FCRL2: variants seen among roughly 807,000 people sequenced by gnomAD.
FCRL2 encodes the protein Fc receptor like 2.
Under a neutral mutation model 59.8 loss-of-function variants are expected in FCRL2, and 48 were observed. The observed-to-expected ratio is 0.80, with a 90% CI of 0.64 to 1.02. FCRL2 has a LOEUF of 1.02. Among genes scored for constraint, FCRL2 ranks in the 50% least tolerant of loss-of-function variants. FCRL2 has a pLI of 0.00. For missense variants in FCRL2, 658 were observed against 597.3 expected (o/e 1.10, Z -1.06); for synonymous variants, 251 against 229.5 (o/e 1.09, Z -0.85).
intron 7 of FCRL2, among the ~76,000 whole-genome samples, chr1:157,759,437 A>G (rs1289143118): frequency 1.3e-5 from 2 of 152,230 alleles, no homozygotes; most frequent in African/African-American, 4.8e-5. Flanking sequence ...AAAAACAAAA[A>G]ATTGACAAAT....
rs1647709966 is a variant in FCRL2, at chr1:157,745,943, TTA to T, written c.*791_*792del. ...TTTTTGGTTTCCCAGTGCATATAAG[TTA>T]TGTTTACACTCAAGTCGATGCACAT... On this transcript the variant is annotated 3_prime_UTR_variant, in exon 12 of 12. Coordinates refer to ENST00000361516, the MANE Select transcript of FCRL2 (RefSeq NM_030764.4). 1 of 152,128 alleles carries T rather than the reference TTA, an allele frequency of 6.6e-6. No individual in the cohort carries two copies. The highest frequency in any genetic ancestry group is 1.5e-5 in the Non-Finnish European group (1 of 68,024). The allele number at this position is 152,128 out of a possible 1,614,324, so 9.4% of individuals were successfully genotyped here.
chr1:157,750,974 T>A (rs1648140884), intron 7 of FCRL2, among the ~76,000 whole-genome samples: 2 of 152,184 alleles, frequency 1.3e-5, no homozygotes. Flanking sequence ...ATAATGGAAC[T>A]GGTAATTCAT....
At chr1:157,757,274 A>ATAT (rs1648665526) in intron 7 of FCRL2, among the ~76,000 whole-genome samples, 1 of 152,204 alleles carries the variant, frequency 6.6e-6, no homozygotes, top group South Asian at 2.1e-4. Context: ...ATATTGAAGT[A>ATAT]CTAATGCCAA....
chr1:157,762,199 C>CT (rs1649149040), intron 7 of FCRL2, among the ~76,000 whole-genome samples: 1 of 152,176 alleles, frequency 6.6e-6, no homozygotes, highest in Non-Finnish European at 1.5e-5. Context: ...CCACTATCAC[C>CT]ACAACTGATA....
chr1:157,763,251 C>T (rs926948528), intron 7 of FCRL2, among the ~76,000 whole-genome samples: 4 of 152,128 alleles, frequency 2.6e-5, no homozygotes, highest in Non-Finnish European at 4.4e-5. Flanking sequence ...GATGGGGTGC[C>T]GTGGCTCATG....
intron 7 of FCRL2, among the ~76,000 whole-genome samples, chr1:157,765,168 T>G (rs1254627297): frequency 1.3e-5 from 2 of 152,160 alleles, no homozygotes; most frequent in African/African-American, 4.8e-5. Context: ...CATCAGAGAT[T>G]ATTACAAATG....
Position 157,777,128 on chromosome 1 carries a change from A to T in FCRL2, c.-55T>A. 6.2e-7 allele frequency: 1 copy of T among 1,613,522 alleles called. No individual in the cohort carries two copies. The highest frequency in any genetic ancestry group is 8.5e-7 in the Non-Finnish European group (1 of 1,179,828). Reference sequence around the variant, plus strand: ...ATGTACTCTTGGTCACCAACTGGAGACTCTGAGCAGGCGATGAAATGTGGT... The same window carrying T: ...ATGTACTCTTGGTCACCAACTGGAGTCTCTGAGCAGGCGATGAAATGTGGT... On this transcript the variant is annotated 5_prime_UTR_variant, in exon 1 of 12. Coordinates refer to ENST00000361516, the MANE Select transcript of FCRL2 (RefSeq NM_030764.4).
rs574996415 is a variant in FCRL2 at position 157,770,918 on chromosome 1, G to T, written c.53-252C>A. Among the ~76,000 whole-genome samples the T allele has an allele frequency of 2.2e-4, 34 of 152,326 alleles. No individual in the cohort carries two copies. In the South Asian group the frequency reaches 5.6e-3, roughly 25 times the overall value. On this transcript the variant is annotated intron_variant, in intron 2 of 11. Transcript: ENST00000361516. ...AGATTTATTTCTCACAATTCTGGAC[G>T]TTGAAAGTCTGAGGTCAGGGTGCCA...
intron 7 of FCRL2, among the ~76,000 whole-genome samples, chr1:157,750,563 T>C (rs751154317): frequency 1.3e-5 from 2 of 152,158 alleles, no homozygotes; most frequent in Non-Finnish European, 2.9e-5. Flanking sequence ...TCATGGAAAA[T>C]ACTGCTAGTA....
rs1445895908 is a variant in FCRL2 at position 157,748,901 on chromosome 1, T to G, written c.1367A>C (p.Glu456Ala). ...ATTGACATACACTGGCTGCAGCTCC[T>G]CCATGTCTGGGGTTGGGCTTGAATA... Reference protein sequence around the residue: ...FTYSSPTPDMEELQPVYVNVG... With the variant: ...FTYSSPTPDMAELQPVYVNVG... Residue 456 changes from glutamate (E) to alanine (A), a missense_variant, in exon 9 of 12, where the codon GAG becomes GCG. Transcript: ENST00000361516. The G allele has an allele frequency of 3.7e-6, 6 of 1,613,792 alleles. No individual in the cohort carries two copies. Among genetic ancestry groups the G allele is most frequent in the Non-Finnish European group, 5.1e-6 (6 of 1,179,930 alleles).
At chr1:157,758,381 C>T (rs1043299027) in intron 7 of FCRL2, among the ~76,000 whole-genome samples, 1 of 151,932 alleles carries the variant, frequency 6.6e-6, no homozygotes, top group Non-Finnish European at 1.5e-5. Flanking sequence ...TACTGGCTTG[C>T]ACAAAAGGGA....
intron 7 of FCRL2, among the ~76,000 whole-genome samples, chr1:157,757,876 G>A (rs1648722802): frequency 6.6e-6 from 1 of 152,168 alleles, no homozygotes; most frequent in African/African-American, 2.4e-5. Context: ...GCAGGAGAAT[G>A]GCGTGAACCC....
At chr1:157,774,543 G>T (rs543231648) in intron 2 of FCRL2, 1 of 448,950 alleles carries the variant, frequency 2.2e-6, no homozygotes, top group Admixed American at 2.4e-5. Flanking sequence ...AGAATGAAGT[G>T]GCTGTTGCCC....
rs761518627 is a variant in FCRL2, at chr1:157,775,749, GAAC to G, written c.52+23_52+25del. ...GGGTGACTGATATGCCAGAGACCAA[GAAC>G]AACAAAGACAAGGAGGACTCACCTG... On this transcript the variant is annotated intron_variant, in intron 2 of 11. Coordinates refer to ENST00000361516, the MANE Select transcript of FCRL2 (RefSeq NM_030764.4). 6 of 1,613,664 alleles carry G rather than the reference GAAC, an allele frequency of 3.7e-6. No homozygotes were observed. The Admixed American group carries it at 6.7e-5, about 18-fold the overall frequency.
chr1:157,760,719 G>GAAAGAAAGAAAGAA (rs1649000107), intron 7 of FCRL2, among the ~76,000 whole-genome samples: 1 of 138,784 alleles, frequency 7.2e-6, no homozygotes, highest in Non-Finnish European at 1.6e-5. Context: ...AAGAAAGAAA[G>GAAAGAAAGAAAGAA]AAAGAAAGAA....
In FCRL2 at chr1:157,768,595, A is replaced by G; in HGVS notation, c.702T>C (p.Asn234=). ...LLCSVAGGTG[N]VTFSWYREAT... Reference sequence around the variant, plus strand: ...CCTCTCTGTACCAGGAGAATGTGACATTTCCTGTACCCCCAGCCACTGAGC... The same window carrying G: ...CCTCTCTGTACCAGGAGAATGTGACGTTTCCTGTACCCCCAGCCACTGAGC... The change falls in exon 5 of 12, where the codon AAT becomes AAC. Residue 234 remains asparagine, a synonymous_variant. Transcript: ENST00000361516. 3 of 1,614,114 alleles carry G rather than the reference A, an allele frequency of 1.9e-6. No homozygotes were observed. Among genetic ancestry groups the G allele is most frequent in the South Asian group, 1.1e-5 (1 of 91,078 alleles).
At chr1:157,760,974 T>A (rs1039931138) in intron 7 of FCRL2, among the ~76,000 whole-genome samples, 2 of 152,098 alleles carry the variant, frequency 1.3e-5, no homozygotes, top group African/African-American at 2.4e-5. Context: ...AAAAATAAAA[T>A]AAAATACTAG....
chr1:157,770,151 C>T lies in FCRL2; in HGVS notation c.311-1G>A. The T allele has an allele frequency of 1.2e-6, 2 of 1,612,434 alleles. No individual in the cohort carries two copies. Among genetic ancestry groups the T allele is most frequent in the East Asian group, 2.2e-5 (1 of 44,832 alleles). On this transcript the variant is annotated splice_acceptor_variant, in intron 3 of 11. Coordinates refer to ENST00000361516, the MANE Select transcript of FCRL2 (RefSeq NM_030764.4). LOFTEE classifies it high-confidence loss of function. ...GTCAGCACAGGACGTTGAAAGAGCTCTAGAGAGAAGGATCACAATAGTCCC... is the reference window on the plus strand; with the variant it reads ...GTCAGCACAGGACGTTGAAAGAGCTTTAGAGAGAAGGATCACAATAGTCCC...
At chr1:157,774,345 C>T in intron 2 of FCRL2, 1 of 424,842 alleles carries the variant, frequency 2.4e-6, no homozygotes, top group Non-Finnish European at 4.7e-6. Flanking sequence ...AAGTGACTGC[C>T]CAGCCTACAT....
Sources: gnomAD v4.1 joint callset for allele counts (sites outside exome capture counted in the v4.1 genomes callset) on GRCh38, gnomAD v4.1.1 for gene constraint, MANE v1.5 for transcripts, NCBI Gene and HGNC (gene_info 2026-07-23, HGNC 2026-07-21) for gene names.